The following PPFIA2 variants were observed in gnomAD, a reference collection of about 807,000 sequenced individuals.
PPFIA2 encodes the protein PPFI scaffold protein A2.
A neutral mutation model predicts 175.5 loss-of-function variants in PPFIA2; 46 were observed. The observed-to-expected ratio is 0.26, with a 90% CI of 0.21 to 0.34. The LOEUF is 0.34. Among genes scored for constraint, PPFIA2 ranks in the 10% least tolerant of loss-of-function variants. PPFIA2 has a pLI of 1.00. For synonymous variants in PPFIA2, 568 were observed against 511.4 expected (o/e 1.11, Z -1.49); for missense variants, 1,179 against 1,506.1 (o/e 0.78, Z 3.60).
intron 4 of PPFIA2, among the ~76,000 whole-genome samples, chr12:81,469,648 G>A (rs1332178355): frequency 6.6e-6 from 1 of 152,168 alleles, no homozygotes; most frequent in African/African-American, 2.4e-5. Context: ...GTAAATCTTT[G>A]CAATCTTGGA....
Position 81,414,134 on chromosome 12 carries a change from CAG to C in PPFIA2, c.646-8233_646-8232del, listed in dbSNP as rs372440084. ...TGAAGTCATACAGAAAAAGACACAA[CAG>C]AGATATTTCTGATTCAGGTCTGATT... On this transcript the variant is annotated intron_variant, in intron 7 of 32. Coordinates refer to ENST00000549396, the MANE Select transcript of PPFIA2 (RefSeq NM_003625.5). 5.1e-4 allele frequency among the ~76,000 whole-genome samples: 77 copies of C among 151,832 alleles called. 1 individual carries two copies. Among genetic ancestry groups the C allele is most frequent in the African/African-American group, 1.8e-3 (74 of 41,506 alleles).
chr12:81,475,584 C>T (rs1419745053), intron 4 of PPFIA2, among the ~76,000 whole-genome samples: 1 of 151,992 alleles, frequency 6.6e-6, no homozygotes, highest in African/African-American at 2.4e-5. Context: ...TATTTTAATC[C>T]GTTGAGATTT....
chr12:81,347,833 G>A (rs1294861399), intron 17 of PPFIA2, 63 bp from the exon 18 acceptor site: 3 of 1,562,806 alleles, frequency 1.9e-6, no homozygotes, highest in Non-Finnish European at 2.6e-6. Flanking sequence ...ATATGCTGCT[G>A]TAAGGATCAT....
intron 3 of PPFIA2, among the ~76,000 whole-genome samples, chr12:81,715,903 C>T (rs1292168142): frequency 1.3e-5 from 2 of 150,940 alleles, no homozygotes; most frequent in African/African-American, 4.9e-5. Context: ...AATGACTGAC[C>T]TTAATAAACA....
intron 8 of PPFIA2, among the ~76,000 whole-genome samples, chr12:81,405,160 T>G (rs1241934787): frequency 6.6e-6 from 1 of 152,160 alleles, no homozygotes; most frequent in Non-Finnish European, 1.5e-5. Context: ...GTTTCCTTTG[T>G]GTGGGACTAA....
chr12:81,456,638 A>G (rs1254482687), intron 5 of PPFIA2, among the ~76,000 whole-genome samples: 2 of 152,186 alleles, frequency 1.3e-5, no homozygotes, highest in East Asian at 3.9e-4. Context: ...GTTGTATTTA[A>G]ATTGAACTTA....
intron 4 of PPFIA2, among the ~76,000 whole-genome samples, chr12:81,474,175 A>G (rs1047264316): frequency 6.6e-6 from 1 of 151,976 alleles, no homozygotes; most frequent in East Asian, 1.9e-4. Flanking sequence ...TTGTTTTGAG[A>G]TACAGTCTCA....
chr12:81,554,658 A>G (rs1426565952), intron 4 of PPFIA2, among the ~76,000 whole-genome samples: 1 of 152,044 alleles, frequency 6.6e-6, no homozygotes, highest in Non-Finnish European at 1.5e-5. Flanking sequence ...CATGTCCTCA[A>G]AGCAACAAGG....
intron 4 of PPFIA2, among the ~76,000 whole-genome samples, chr12:81,494,251 AAAAC>A (rs568266806): frequency 5.7e-4 from 86 of 152,152 alleles, no homozygotes; most frequent in Non-Finnish European, 9.3e-4. Flanking sequence ...TTACAAGAAA[AAAAC>A]AAACAACCCC....
chr12:81,398,210 G>T (rs1412780214), intron 8 of PPFIA2, among the ~76,000 whole-genome samples: 1 of 151,990 alleles, frequency 6.6e-6, no homozygotes, highest in Admixed American at 6.6e-5. Flanking sequence ...ACAAAGAAAA[G>T]AAAATGATGG....
At chr12:81,546,699 C>T (rs2067053164) in intron 4 of PPFIA2, among the ~76,000 whole-genome samples, 1 of 151,644 alleles carries the variant, frequency 6.6e-6, no homozygotes, top group East Asian at 1.9e-4. Flanking sequence ...AAAATATGTG[C>T]TATTTATTAT....
chr12:81,702,172 T>C (rs1006376765), intron 3 of PPFIA2, among the ~76,000 whole-genome samples: 2 of 151,336 alleles, frequency 1.3e-5, no homozygotes, highest in East Asian at 1.9e-4. Context: ...CCACCATCAA[T>C]GACACTGTGG....
chr12:81,508,089 G>T (rs995431755), intron 4 of PPFIA2, among the ~76,000 whole-genome samples: 2 of 152,086 alleles, frequency 1.3e-5, no homozygotes, highest in Admixed American at 1.3e-4. Flanking sequence ...AAACTTCAGG[G>T]TGGGGCATTA....
intron 4 of PPFIA2, among the ~76,000 whole-genome samples, chr12:81,530,255 G>A (rs1470398765): frequency 6.6e-6 from 1 of 151,866 alleles, no homozygotes; most frequent in Non-Finnish European, 1.5e-5. Flanking sequence ...AGAAAATTTT[G>A]CTAACTACTA....
At chr12:81,743,971 T>A (rs2082691487) in intron 3 of PPFIA2, among the ~76,000 whole-genome samples, 1 of 152,210 alleles carries the variant, frequency 6.6e-6, no homozygotes, top group Admixed American at 6.5e-5. Context: ...TTAATACATC[T>A]AAAATGTTTG....
intron 4 of PPFIA2, among the ~76,000 whole-genome samples, chr12:81,510,379 C>G (rs999124471): frequency 6.6e-6 from 1 of 152,000 alleles, no homozygotes; most frequent in Non-Finnish European, 1.5e-5. Context: ...AACTCAAACT[C>G]GTTTTACATT....
intron 7 of PPFIA2, among the ~76,000 whole-genome samples, chr12:81,439,573 T>C (rs1211069297): frequency 3.3e-5 from 5 of 152,148 alleles, no homozygotes; most frequent in Admixed American, 2.0e-4. Context: ...AAGATAAGAA[T>C]AGGCAGGACC....
At chr12:81,560,966 C>T (rs144398290) in intron 4 of PPFIA2, among the ~76,000 whole-genome samples, 8 of 152,122 alleles carry the variant, frequency 5.3e-5, no homozygotes, top group East Asian at 3.9e-4. Flanking sequence ...TTTCTGCCCA[C>T]GTTTTAAATC....
At chr12:81,334,456 AT>A (rs2140130769) in intron 21 of PPFIA2, among the ~76,000 whole-genome samples, 1 of 149,792 alleles carries the variant, frequency 6.7e-6, no homozygotes, top group South Asian at 2.1e-4. Context: ...TAAATAAATT[AT>A]TTTGGATTAT....
Sources: gnomAD v4.1 joint callset for allele counts (sites outside exome capture counted in the v4.1 genomes callset) on GRCh38, gnomAD v4.1.1 for gene constraint, MANE v1.5 for transcripts, NCBI Gene and HGNC (gene_info 2026-07-23, HGNC 2026-07-21) for gene names.